The following NCOR2 variants were observed in gnomAD, a reference collection of about 807,000 sequenced individuals.
NCOR2 encodes the protein CTG repeat protein 26.
A neutral mutation model predicts 262.9 loss-of-function variants in NCOR2; 81 were observed. The ratio of observed to expected loss-of-function variants is 0.31; its 90% CI spans 0.26 to 0.37. The LOEUF is 0.37. NCOR2 is among the 10% of genes least tolerant of loss of function. NCOR2 has a pLI of 1.00. For synonymous variants in NCOR2, 1,659 were observed against 1,559.3 expected, an observed-to-expected ratio of 1.06 and a Z score of -1.51; for missense variants, 3,385 against 3,621.4, an observed-to-expected ratio of 0.93 and a Z score of 1.68.
chr12:124,502,745 G>A (rs1362605781), intron 1 of NCOR2, among the ~76,000 whole-genome samples: 3 of 152,198 alleles, frequency 2.0e-5, no homozygotes, highest in South Asian at 4.1e-4. Context: ...GCGGTCTCCT[G>A]TGGCAAGTCT....
At chr12:124,466,434 C>A in intron 4 of NCOR2, 148 bp from the exon 7 acceptor site, 1 of 651,308 alleles carries the variant, frequency 1.5e-6, no homozygotes. Context: ...GTGAGTCACC[C>A]CAGGGACTCC....
chr12:124,536,609 G>C (rs1166063855), upstream of NCOR2, among the ~76,000 whole-genome samples: 1 of 152,138 alleles, frequency 6.6e-6, no homozygotes, highest in East Asian at 1.9e-4. Flanking sequence ...AACCACGAAA[G>C]ACCACTGCTC....
chr12:124,444,183 A>G (rs886310308), intron 7 of NCOR2, among the ~76,000 whole-genome samples: 8 of 152,116 alleles, frequency 5.3e-5, no homozygotes, highest in African/African-American at 1.9e-4. Flanking sequence ...ACTGCAGACA[A>G]ATCTTTTCTG....
chr12:124,372,785 G>T (rs1481711203), intron 19 of NCOR2, among the ~76,000 whole-genome samples, 175 bp from the exon 22 acceptor site: 2 of 152,106 alleles, frequency 1.3e-5, no homozygotes, highest in African/African-American at 4.8e-5. Context: ...CAAAGCCCCT[G>T]ACCAGGCCCC....
intron 1 of NCOR2, among the ~76,000 whole-genome samples, chr12:124,544,598 C>G (rs1220681782): frequency 6.6e-6 from 1 of 152,216 alleles, no homozygotes; most frequent in African/African-American, 2.4e-5. Context: ...GCTCCGCCCC[C>G]ACTCAAACCC....
At chr12:124,325,668 G>C in intron 46 of NCOR2, 85 bp from the exon 49 acceptor site, 2 of 951,602 alleles carry the variant, frequency 2.1e-6, no homozygotes, top group Non-Finnish European at 2.8e-6. Context: ...ACCGGGAACA[G>C]AGGCCTCAGC....
At chr12:124,410,073 C>T (rs917616198) in intron 13 of NCOR2, among the ~76,000 whole-genome samples, 1 of 151,346 alleles carries the variant, frequency 6.6e-6, no homozygotes, top group African/African-American at 2.4e-5. Flanking sequence ...CAACCTGCCG[C>T]CTGTGAGCCT....
chr12:124,418,907 G>A (rs895672877), intron 13 of NCOR2, among the ~76,000 whole-genome samples: 7 of 152,242 alleles, frequency 4.6e-5, no homozygotes, highest in Non-Finnish European at 8.8e-5. Context: ...GACGCTCCAC[G>A]CGGCTCGTGC....
At chr12:124,334,586 T>G in exon 41 of NCOR2, 1 of 1,399,506 alleles carries the variant, frequency 7.1e-7, no homozygotes, top group Non-Finnish European at 9.2e-7. Context: ...CTGCTGTGGG[T>G]GGTGCCGGGT....
intron 16 of NCOR2, chr12:124,388,720 T>C: frequency 7.7e-7 from 1 of 1,304,344 alleles, no homozygotes; most frequent in Non-Finnish European, 1.0e-6. Context: ...GGCCAAGTTT[T>C]CCGGAAACAT....
rs2052284474 is a variant in NCOR2 at position 124,567,409 on chromosome 12, G to T, written c.-266C>A. 1 of 150,788 alleles carries T rather than the reference G, an allele frequency of 6.6e-6. No individual in the cohort carries two copies. The highest frequency in any genetic ancestry group is 2.4e-5 in the African/African-American group (1 of 41,276). 9.3% of individuals were successfully genotyped at this position (150,788 alleles called of 1,614,324 possible). On this transcript the variant is annotated 5_prime_UTR_variant, in exon 1 of 33. It adds an upstream start codon to the 5' untranslated region. Transcript: ENST00000458234. ...CCGATCGGGCTGGGGGCGCGCAGCAGGCCCGGCCTCGGGTCGGGACGCGAT... is the reference window on the plus strand; with the variant it reads ...CCGATCGGGCTGGGGGCGCGCAGCATGCCCGGCCTCGGGTCGGGACGCGAT...
At chr12:124,455,506 T>C (rs1473668198) in intron 6 of NCOR2, among the ~76,000 whole-genome samples, 1 of 152,224 alleles carries the variant, frequency 6.6e-6, no homozygotes, top group African/African-American at 2.4e-5. Context: ...CCTCCCTGCT[T>C]CTGCCTTCTG....
At chr12:124,556,589 G>T (rs1197740011) in intron 1 of NCOR2, among the ~76,000 whole-genome samples, 2 of 152,220 alleles carry the variant, frequency 1.3e-5, no homozygotes, top group Non-Finnish European at 2.9e-5. Flanking sequence ...GCCAGGCGTG[G>T]TGGCTCACGC....
chr12:124,472,139 T>C (rs934330650), intron 4 of NCOR2, among the ~76,000 whole-genome samples: 2 of 152,212 alleles, frequency 1.3e-5, no homozygotes, highest in African/African-American at 2.4e-5. Flanking sequence ...CAGTGGCCTC[T>C]TGGTGTCAGG....
At chr12:124,377,747 G>A (rs957121674) in intron 18 of NCOR2, among the ~76,000 whole-genome samples, 1 of 151,202 alleles carries the variant, frequency 6.6e-6, no homozygotes, top group Non-Finnish European at 1.5e-5. Context: ...GCTGAGGCAG[G>A]AGAATTGCTT....
At chr12:124,354,098 T>C in exon 27 of NCOR2, 1 of 1,608,342 alleles carries the variant, frequency 6.2e-7, no homozygotes, top group Non-Finnish European at 8.5e-7. Context: ...CCTACGTGGG[T>C]GATGGAGCCG....
chr12:124,442,978 G>A (rs926285988), intron 7 of NCOR2, among the ~76,000 whole-genome samples: 21 of 152,346 alleles, frequency 1.4e-4, no homozygotes, highest in Middle Eastern at 6.8e-3. Flanking sequence ...GAACGCCAAG[G>A]AGGCCGGCAG....
At chr12:124,426,104 C>T (rs973606198) in intron 11 of NCOR2, among the ~76,000 whole-genome samples, 13 of 152,224 alleles carry the variant, frequency 8.5e-5, no homozygotes, top group Non-Finnish European at 1.9e-4. Context: ...CGCAGTGCCC[C>T]GTCTTACATC....
At chr12:124,330,710 G>T (rs1024670865) in intron 44 of NCOR2, 135 bp downstream of exon 46, 2 of 931,268 alleles carry the variant, frequency 2.1e-6, no homozygotes, top group Non-Finnish European at 3.3e-6. Context: ...CCTACTGTGC[G>T]GTTAGTTCAT....
Sources: allele counts gnomAD v4.1 joint callset (sites outside exome capture counted in the v4.1 genomes callset), GRCh38; gene constraint gnomAD v4.1.1; transcripts MANE v1.5; gene names NCBI Gene and HGNC (gene_info 2026-07-23, HGNC 2026-07-21).